LRRC37A2: variants seen among roughly 807,000 people sequenced by gnomAD.
LRRC37A2 encodes leucine rich repeat containing 37 member A2.
LRRC37A2 carries 9 observed loss-of-function variants against 68.8 expected under a neutral mutation model. The ratio of observed to expected loss-of-function variants is 0.13; its 90% CI spans 0.08 to 0.23. The LOEUF (loss-of-function observed/expected upper bound fraction) is 0.23, where lower values mean the gene tolerates loss of function less well. Ranked by LOEUF, LRRC37A2 falls within the 10% of genes least tolerant of loss-of-function variation. The pLI is 1.00. For synonymous variants in LRRC37A2, 63 were observed against 367.6 expected (o/e 0.17, Z 9.48); for missense variants, 168 against 950.4 (o/e 0.18, Z 10.82).
chr17:47,021,717 T>C, the LRRC37A2 span: 136 of 760,096 alleles, frequency 1.8e-4, no homozygotes, highest in Non-Finnish European at 7.2e-5. Flanking sequence ...GGGAAGCTGA[T>C]AGCTCTGGAA....
the LRRC37A2 span, among the ~76,000 whole-genome samples, chr17:46,836,095 CGTGTGTGTGTGTGTGTGT>C: frequency 2.4e-5 from 3 of 126,502 alleles, no homozygotes; most frequent in Admixed American, 8.1e-5. Flanking sequence ...GAGACGCTGA[CGTGTGTGTGTGTGTGTGT>C]GTGTGTGTGT....
At chr17:46,919,102 T>C in the LRRC37A2 span, among the ~76,000 whole-genome samples, 1 of 152,232 alleles carries the variant, frequency 6.6e-6, no homozygotes, top group African/African-American at 2.4e-5. Context: ...GCTTCTATGG[T>C]AAGGTGGTGT....
the LRRC37A2 span, among the ~76,000 whole-genome samples, chr17:46,731,907 CCTT>C: frequency 1.3e-5 from 2 of 152,114 alleles, no homozygotes; most frequent in Non-Finnish European, 2.9e-5. Flanking sequence ...TGTCATACCA[CCTT>C]GCTTTTTAAA....
At chr17:46,928,825 T>G in the LRRC37A2 span, among the ~76,000 whole-genome samples, 1 of 152,142 alleles carries the variant, frequency 6.6e-6, no homozygotes, top group African/African-American at 2.4e-5. Context: ...TTCTTCTATC[T>G]TCCTTCACCA....
the LRRC37A2 span, chr17:46,876,104 C>G: frequency 1.3e-6 from 1 of 767,580 alleles, no homozygotes. Flanking sequence ...AACTCCAGGC[C>G]AAGGGGAGGA....
At chr17:46,716,629 G>C in the LRRC37A2 span, among the ~76,000 whole-genome samples, 71 of 152,254 alleles carry the variant, frequency 4.7e-4, no homozygotes, top group African/African-American at 1.7e-3. Context: ...ATAATTTATA[G>C]AGTTTTATAA....
At chr17:46,876,204 C>T in the LRRC37A2 span, 2 of 1,540,878 alleles carry the variant, frequency 1.3e-6, no homozygotes, top group Non-Finnish European at 8.8e-7. Context: ...GGCTGCTGGG[C>T]CCAGGCCTCT....
the LRRC37A2 span, among the ~76,000 whole-genome samples, chr17:46,854,274 G>A: frequency 6.6e-6 from 1 of 152,058 alleles, no homozygotes; most frequent in South Asian, 2.1e-4. Flanking sequence ...GAGGAATCTG[G>A]TATCAGTCAT....
chr17:46,777,378 C>G, the LRRC37A2 span, among the ~76,000 whole-genome samples: 2 of 152,230 alleles, frequency 1.3e-5, no homozygotes, highest in Non-Finnish European at 2.9e-5. Flanking sequence ...CAAGGGGCTC[C>G]CTGCTTCCTG....
the LRRC37A2 span, chr17:46,851,656 G>C: frequency 7.8e-7 from 1 of 1,289,582 alleles, no homozygotes; most frequent in Non-Finnish European, 9.8e-7. This position sits in a 1 kb window ranked among gnomAD's most constrained non-coding sequence, Gnocchi z 4.3. Flanking sequence ...CCCCGCCCGC[G>C]CTGGCCCTGG....
the LRRC37A2 span, among the ~76,000 whole-genome samples, chr17:46,779,701 G>A: frequency 3.9e-5 from 6 of 152,194 alleles, no homozygotes; most frequent in Non-Finnish European, 7.3e-5. Context: ...CCCTGATAAC[G>A]CCTGCTGTGG....
chr17:46,416,957 G>C, the LRRC37A2 span, among the ~76,000 whole-genome samples: 1 of 106,922 alleles, frequency 9.4e-6, no homozygotes, highest in Non-Finnish European at 2.1e-5. Context: ...AATTCGCTGG[G>C]CATGGTGGTG....
chr17:46,492,689 GTTTTT>G, the LRRC37A2 span, among the ~76,000 whole-genome samples: 61 of 107,760 alleles, frequency 5.7e-4, no homozygotes, highest in South Asian at 2.2e-3. Flanking sequence ...GTTTTGTTTT[GTTTTT>G]TTTTTTTTTT....
the LRRC37A2 span, chr17:46,978,636 A>G: frequency 6.3e-7 from 1 of 1,585,198 alleles, no homozygotes; most frequent in East Asian, 2.3e-5. Context: ...GGGCGGACCC[A>G]GATGGCGCTC....
chr17:46,863,939 C>T, the LRRC37A2 span, among the ~76,000 whole-genome samples: 12 of 152,232 alleles, frequency 7.9e-5, no homozygotes, highest in East Asian at 1.9e-3. Context: ...TACAGCTGGG[C>T]GAAGGGTGTG....
the LRRC37A2 span, among the ~76,000 whole-genome samples, chr17:46,799,712 T>C: frequency 6.6e-6 from 1 of 152,270 alleles, no homozygotes; most frequent in Non-Finnish European, 1.5e-5. Context: ...CCTCCCAAAA[T>C]GTAGGGATTA....
chr17:46,908,150 C>A, the LRRC37A2 span, among the ~76,000 whole-genome samples: 2 of 151,916 alleles, frequency 1.3e-5, no homozygotes, highest in Admixed American at 6.6e-5. Flanking sequence ...GATAGATGAG[C>A]CCCCAGTCCT....
chr17:46,990,918 G>A, the LRRC37A2 span, among the ~76,000 whole-genome samples: 7 of 152,084 alleles, frequency 4.6e-5, no homozygotes, highest in South Asian at 1.2e-3. Flanking sequence ...CAATCCTCCC[G>A]CCTTGGCCTC....
chr17:46,858,317 T>C, the LRRC37A2 span, among the ~76,000 whole-genome samples: 24,195 of 152,126 alleles, frequency 0.16, 2,237 homozygotes, highest in East Asian at 0.37. Context: ...CATTTTCTTA[T>C]TGATGTCTTA....
Sources: gnomAD v4.1 joint callset for allele counts (sites outside exome capture counted in the v4.1 genomes callset) on GRCh38, gnomAD v4.1.1 for gene constraint, Gnocchi (gnomAD v3.1) non-coding constraint, MANE v1.5 for transcripts, NCBI Gene and HGNC (gene_info 2026-07-23, HGNC 2026-07-21) for gene names.